Variants in KIRREL3 observed in about 807,000 individuals in gnomAD.
KIRREL3 encodes the protein kin of IRRE-like protein 3.
KIRREL3 carries 36 observed loss-of-function variants against 89.7 expected under a neutral mutation model. That is an observed-to-expected ratio of 0.40 (90% CI 0.31 to 0.53). The LOEUF is 0.53. KIRREL3 is among the 20% of genes least tolerant of loss of function. KIRREL3 has a pLI of 0.49. For synonymous variants in KIRREL3, 445 were observed against 441.4 expected, an observed-to-expected ratio of 1.01 and a Z score of -0.10; for missense variants, 864 against 1,056.6, an observed-to-expected ratio of 0.82 and a Z score of 2.53.
Position 126,530,610 on chromosome 11 carries a change from C to T in KIRREL3, c.134-3923G>A, listed in dbSNP as rs1240348295. Among the ~76,000 whole-genome samples, 2 of 152,116 alleles carry T rather than the reference C, an allele frequency of 1.3e-5. No homozygotes were observed. The highest frequency in any genetic ancestry group is 2.4e-5 in the African/African-American group (1 of 41,406). On this transcript the variant is annotated intron_variant, in intron 2 of 16. Transcript: ENST00000525144. This position sits in a 1 kb window ranked among gnomAD's most constrained non-coding sequence, Gnocchi z 5.8. ...AGGCCTGGCCACCCCTCCAGGAGCT[C>T]GCAGCTGTGCCCCCTCCCCATCACA...
chr11:126,871,404 A>C (rs980910232), intron 1 of KIRREL3, among the ~76,000 whole-genome samples: 1 of 152,166 alleles, frequency 6.6e-6, no homozygotes, highest in Admixed American at 6.5e-5. Flanking sequence ...TGGGTAAGTC[A>C]CTTACCCTCT....
chr11:126,770,228 T>C (rs1949976195), intron 1 of KIRREL3, among the ~76,000 whole-genome samples: 1 of 152,206 alleles, frequency 6.6e-6, no homozygotes, highest in Non-Finnish European at 1.5e-5. Flanking sequence ...AAGCAGAATC[T>C]ACCCGTTCAC....
upstream of KIRREL3, among the ~76,000 whole-genome samples, chr11:127,001,569 C>T (rs1950315650): frequency 6.6e-6 from 1 of 152,034 alleles, no homozygotes; most frequent in Non-Finnish European, 1.5e-5. Flanking sequence ...GCTGTGAGTC[C>T]AATTGCAAAG....
At chr11:126,690,220 T>C (rs538311398) in intron 1 of KIRREL3, among the ~76,000 whole-genome samples, 4 of 152,368 alleles carry the variant, frequency 2.6e-5, no homozygotes, top group South Asian at 4.1e-4. Context: ...CCTTAATTCA[T>C]GTATGTGCTG....
At position 126,574,130 on chromosome 11, in the gene KIRREL3, C is replaced by T. The variant is rs1016380930; in HGVS notation, c.56-11218G>A. On this transcript the variant is annotated intron_variant, in intron 1 of 16. Transcript: ENST00000525144. This position sits in a 1 kb window ranked among gnomAD's most constrained non-coding sequence, Gnocchi z 5.3. The stretch of plus-strand genomic sequence containing the variant: ...AACTGAGTATTATTGGCAACTAACA[C>T]ACCTGCAGAGCTTTGCAGTTGAAGA... 6.6e-6 allele frequency among the ~76,000 whole-genome samples: 1 copy of T among 152,228 alleles called. No individual in the cohort carries two copies. The highest frequency in any genetic ancestry group is 2.4e-5 in the African/African-American group (1 of 41,450).
intron 1 of KIRREL3, among the ~76,000 whole-genome samples, chr11:126,758,155 C>A (rs938503202): frequency 5.9e-5 from 9 of 152,188 alleles, no homozygotes; most frequent in Admixed American, 1.3e-4. Context: ...AAAGTACTAG[C>A]CAGCCACTAA....
chr11:126,453,056 A>T (rs912926533), intron 7 of KIRREL3, among the ~76,000 whole-genome samples: 1 of 64,726 alleles, frequency 1.5e-5, no homozygotes, highest in African/African-American at 6.0e-5. Flanking sequence ...CCCTCTCCCC[A>T]CCCACCTCCC....
At chr11:126,572,412 T>A (rs1195398011) in intron 1 of KIRREL3, among the ~76,000 whole-genome samples, 11 of 152,208 alleles carry the variant, frequency 7.2e-5, no homozygotes, top group African/African-American at 2.7e-4. Context: ...GCCAAGCAAT[T>A]TTCCTAAAGT....
At chr11:126,545,546 G>A (rs1405062240) in intron 2 of KIRREL3, among the ~76,000 whole-genome samples, 1 of 151,936 alleles carries the variant, frequency 6.6e-6, no homozygotes, top group African/African-American at 2.4e-5. Context: ...CATTGAGGGA[G>A]GATTGCTTGA....
At chr11:126,436,122 C>A (rs557431678) in intron 12 of KIRREL3, among the ~76,000 whole-genome samples, 2 of 152,326 alleles carry the variant, frequency 1.3e-5, no homozygotes, top group African/African-American at 4.8e-5. Flanking sequence ...GGGACGTCAG[C>A]GCACGGGGGC....
rs1951626022 is a variant in KIRREL3 at position 126,817,849 on chromosome 11, G to A, written c.55+182606C>T. Among the ~76,000 whole-genome samples the A allele has an allele frequency of 6.6e-6, 1 of 152,172 alleles. No individual in the cohort carries two copies. The highest frequency in any genetic ancestry group is 2.1e-4 in the South Asian group (1 of 4,828). ...CCACCCTGATCTGAAGGCTGAGGGG[G>A]TCATTATGTGGACCCACTACAACCC... On this transcript the variant is annotated intron_variant, in intron 1 of 16. Coordinates refer to ENST00000525144, the MANE Select transcript of KIRREL3 (RefSeq NM_032531.4). The surrounding 1 kb of genome is among the most constrained non-coding windows in gnomAD (Gnocchi z 5.7).
At chr11:126,559,924 C>T (rs974821572) in intron 2 of KIRREL3, among the ~76,000 whole-genome samples, 3 of 152,124 alleles carry the variant, frequency 2.0e-5, no homozygotes, top group Admixed American at 1.3e-4. Context: ...CTCAAGTGAT[C>T]TGCCTGCCTT....
chr11:126,987,675 T>G lies in KIRREL3; in HGVS notation c.55+12780A>C, dbSNP rs1949906794. On this transcript the variant is annotated intron_variant, in intron 1 of 16. Coordinates refer to ENST00000525144, the MANE Select transcript of KIRREL3 (RefSeq NM_032531.4). This position sits in a 1 kb window ranked among gnomAD's most constrained non-coding sequence, Gnocchi z 4.6. Reference sequence around the variant, plus strand: ...AAGGCTCTGTTGATATGACGGCATGTCCCACTGAAGTAAAAAGAAGGCATT... The same window carrying G: ...AAGGCTCTGTTGATATGACGGCATGGCCCACTGAAGTAAAAAGAAGGCATT... Among the ~76,000 whole-genome samples the G allele has an allele frequency of 6.6e-6, 1 of 152,238 alleles. No individual in the cohort carries two copies. Among genetic ancestry groups the G allele is most frequent in the African/African-American group, 2.4e-5 (1 of 41,466 alleles).
At position 126,736,895 on chromosome 11, in the gene KIRREL3, C is replaced by A. The variant is rs1360834776; in HGVS notation, c.56-173983G>T. Among the ~76,000 whole-genome samples the A allele has an allele frequency of 6.6e-6, 1 of 152,218 alleles. No homozygotes were observed. Among genetic ancestry groups the A allele is most frequent in the East Asian group, 1.9e-4 (1 of 5,194 alleles). On this transcript the variant is annotated intron_variant, in intron 1 of 16. Coordinates refer to ENST00000525144, the MANE Select transcript of KIRREL3 (RefSeq NM_032531.4). The surrounding 1 kb of genome is among the most constrained non-coding windows in gnomAD (Gnocchi z 5.0). The stretch of plus-strand genomic sequence containing the variant: ...AAGAGCTCAAAGGGAGTGCCCCAGA[C>A]TGGCTGTCACAAGCATGGTGTGGAA...
chr11:126,883,080 G>A lies in KIRREL3; in HGVS notation c.55+117375C>T, dbSNP rs1945566586. On this transcript the variant is annotated intron_variant, in intron 1 of 16. Transcript: ENST00000525144. The surrounding 1 kb of genome is among the most constrained non-coding windows in gnomAD (Gnocchi z 4.1). ...GTAGTAAAAAGTAATACATCTCCTC[G>A]TTTAAGTGACAGCAGGTAGGGTTTG... Among the ~76,000 whole-genome samples, 1 of 152,130 alleles carries A rather than the reference G, an allele frequency of 6.6e-6. No homozygotes were observed. The highest frequency in any genetic ancestry group is 2.1e-4 in the South Asian group (1 of 4,826).
At chr11:126,810,599 A>G (rs1206548326) in intron 1 of KIRREL3, among the ~76,000 whole-genome samples, 1 of 152,184 alleles carries the variant, frequency 6.6e-6, no homozygotes, top group Non-Finnish European at 1.5e-5. Context: ...CAATAAGGCC[A>G]GAGATCATCT....
intron 1 of KIRREL3, among the ~76,000 whole-genome samples, chr11:126,803,642 G>T (rs1951110203): frequency 6.6e-6 from 1 of 151,918 alleles, no homozygotes; most frequent in South Asian, 2.1e-4. Context: ...ATGAAAAGAG[G>T]GCTCCCACCC....
At chr11:126,461,253 C>T (rs1252094200) in intron 6 of KIRREL3, among the ~76,000 whole-genome samples, 2 of 152,268 alleles carry the variant, frequency 1.3e-5, no homozygotes, top group Non-Finnish European at 2.9e-5. Flanking sequence ...GGGCTTACTG[C>T]TCCATGTGGC....
At position 126,985,842 on chromosome 11, in the gene KIRREL3, T is replaced by C. The variant is rs1248176197; in HGVS notation, c.55+14613A>G. On this transcript the variant is annotated intron_variant, in intron 1 of 16. Transcript: ENST00000525144. The surrounding 1 kb of genome is among the most constrained non-coding windows in gnomAD (Gnocchi z 5.3). ...ACATAGTTCAATGATGAAAGGAAAC[T>C]TCAAAACCTTGAGTATAAGGCATGT... is the stretch of plus-strand genomic sequence containing the variant. Among the ~76,000 whole-genome samples, 1 of 152,206 alleles carries C rather than the reference T, an allele frequency of 6.6e-6. No homozygotes were observed. Among genetic ancestry groups the C allele is most frequent in the East Asian group, 1.9e-4 (1 of 5,200 alleles).
Sources: allele counts gnomAD v4.1 joint callset (sites outside exome capture counted in the v4.1 genomes callset), GRCh38; gene constraint gnomAD v4.1.1; non-coding constraint Gnocchi (gnomAD v3.1); transcripts MANE v1.5; gene names NCBI Gene and HGNC (gene_info 2026-07-23, HGNC 2026-07-21).